Variants in HSD17B2 observed in about 807,000 individuals in gnomAD.
The protein encoded by HSD17B2 is hydroxysteroid 17-beta dehydrogenase 2.
A neutral mutation model predicts 26.9 loss-of-function variants in HSD17B2; 32 were observed. The observed-to-expected ratio is 1.19, with a 90% CI of 0.90 to 1.60. HSD17B2 has a LOEUF of 1.60. Ranked by LOEUF, HSD17B2 falls within the 40% of genes most tolerant of loss-of-function variation. HSD17B2 has a pLI of 0.00. For missense variants in HSD17B2, 613 were observed against 468.6 expected, an observed-to-expected ratio of 1.31 and a Z score of -2.85; for synonymous variants, 246 against 186.7, an observed-to-expected ratio of 1.32 and a Z score of -2.59.
At chr16:82,077,493 G>A (rs536857093) in intron 3 of HSD17B2, among the ~76,000 whole-genome samples, 56 of 152,268 alleles carry the variant, frequency 3.7e-4, no homozygotes, top group African/African-American at 1.2e-3. Context: ...CAGCACACAG[G>A]GAGGTCAGGT....
intron 4 of HSD17B2, 87 bp downstream of exon 4, chr16:82,091,126 C>T: frequency 7.7e-7 from 1 of 1,291,110 alleles, no homozygotes; most frequent in Non-Finnish European, 1.1e-6. Flanking sequence ...CACATTGAAC[C>T]CCTCATTGTT....
chr16:82,048,935 G>C (rs1914021747), intron 1 of HSD17B2, among the ~76,000 whole-genome samples: 1 of 152,176 alleles, frequency 6.6e-6, no homozygotes, highest in Non-Finnish European at 1.5e-5. Flanking sequence ...GAATGCTGCT[G>C]TAGGAAATCA....
intron 4 of HSD17B2, chr16:82,094,241 AGTT>A (rs1208333459): frequency 1.3e-5 from 2 of 152,180 alleles, no homozygotes; most frequent in Non-Finnish European, 2.9e-5. Flanking sequence ...TTCAAGATGG[AGTT>A]ACTCTTGTTC....
intron 3 of HSD17B2, among the ~76,000 whole-genome samples, chr16:82,076,235 T>C (rs987321173): frequency 6.6e-6 from 1 of 152,086 alleles, no homozygotes; most frequent in Non-Finnish European, 1.5e-5. Context: ...AAGGAACACA[T>C]CTCAACGTAA....
intron 3 of HSD17B2, among the ~76,000 whole-genome samples, chr16:82,075,323 T>G (rs1037174058): frequency 4.0e-5 from 6 of 151,600 alleles, no homozygotes; most frequent in African/African-American, 1.5e-4. Flanking sequence ...AACCTCAAAA[T>G]TAGTAGAAGA....
intron 1 of HSD17B2, among the ~76,000 whole-genome samples, chr16:82,065,556 G>A (rs915210878): frequency 2.6e-5 from 4 of 152,058 alleles, no homozygotes; most frequent in Admixed American, 2.6e-4. Context: ...AATGGGAAAG[G>A]CTGTCCACGA....
Position 82,067,877 on chromosome 16 carries a change from T to C in HSD17B2, c.266-293T>C, listed in dbSNP as rs150226314. 1.1e-3 allele frequency among the ~76,000 whole-genome samples: 166 copies of C among 152,318 alleles called. No homozygotes were observed. In the Middle Eastern group the frequency reaches 0.024, roughly 22 times the overall value. On this transcript the variant is annotated intron_variant, in intron 1 of 4. Transcript: ENST00000199936. ...GCCTTGGTTTTCCTTCCCAATTACT[T>C]TGGCCACCAGCCACTCCTGGACTAC... is the stretch of plus-strand genomic sequence containing the variant.
At chr16:82,078,725 G>A (rs139590370) in intron 3 of HSD17B2, among the ~76,000 whole-genome samples, 289 of 152,276 alleles carry the variant, frequency 1.9e-3, no homozygotes, top group African/African-American at 6.7e-3. Context: ...GCAATAACAT[G>A]GATGGAACTG....
At chr16:82,053,072 T>C (rs1914156722) in intron 1 of HSD17B2, among the ~76,000 whole-genome samples, 2 of 152,218 alleles carry the variant, frequency 1.3e-5, no homozygotes, top group Admixed American at 1.3e-4. Flanking sequence ...CTCAATGCCA[T>C]CAACATATGA....
At chr16:82,044,078 C>T (rs531626417) in intron 1 of HSD17B2, among the ~76,000 whole-genome samples, 5 of 152,278 alleles carry the variant, frequency 3.3e-5, no homozygotes, top group East Asian at 3.9e-4. Context: ...GTTTCCAGAA[C>T]GTTCATCATT....
At chr16:82,092,355 G>A (rs1338347261) in intron 4 of HSD17B2, 7 of 152,080 alleles carry the variant, frequency 4.6e-5, no homozygotes, top group Non-Finnish European at 1.5e-5. Context: ...CTACCCCAAG[G>A]CTCAGTCTTC....
At chr16:82,093,232 A>G (rs770362799) in intron 4 of HSD17B2, 5 of 152,090 alleles carry the variant, frequency 3.3e-5, no homozygotes, top group Non-Finnish European at 5.9e-5. Flanking sequence ...GCCCTCTCCA[A>G]CCTCCCAATA....
intron 2 of HSD17B2, among the ~76,000 whole-genome samples, chr16:82,070,241 C>T (rs1055356412): frequency 8.5e-5 from 13 of 152,142 alleles, no homozygotes; most frequent in South Asian, 2.1e-4. Context: ...CAGCAACCTG[C>T]GGGTCACTGA....
At chr16:82,070,011 G>T (rs573655457) in intron 2 of HSD17B2, among the ~76,000 whole-genome samples, 1 of 152,256 alleles carries the variant, frequency 6.6e-6, no homozygotes, top group South Asian at 2.1e-4. Context: ...ACTGGTTTAC[G>T]CCAATAACTC....
chr16:82,053,731 T>C (rs1022433593), intron 1 of HSD17B2, among the ~76,000 whole-genome samples: 7 of 152,198 alleles, frequency 4.6e-5, no homozygotes, highest in Non-Finnish European at 1.0e-4. Context: ...TCTGAGACTG[T>C]GCACAGAGAA....
At chr16:82,047,273 T>C (rs1913961463) in intron 1 of HSD17B2, among the ~76,000 whole-genome samples, 1 of 152,210 alleles carries the variant, frequency 6.6e-6, no homozygotes, top group Admixed American at 6.5e-5. Flanking sequence ...TTTAGATTAC[T>C]ACTTCAGAAC....
chr16:82,097,952 AT>A (rs201202315), intron 4 of HSD17B2, 122 bp from the exon 5 acceptor site: 74,876 of 707,944 alleles, frequency 0.11, 210 homozygotes, highest in Middle Eastern at 0.15. Context: ...AAATAAAAAA[AT>A]AAAAAAATAA....
Position 82,067,271 on chromosome 16 carries a change from A to G in HSD17B2, c.266-899A>G, listed in dbSNP as rs560397542. Among the ~76,000 whole-genome samples, 3 of 152,380 alleles carry G rather than the reference A, an allele frequency of 2.0e-5. No homozygotes were observed. In the East Asian group the frequency reaches 5.8e-4, roughly 29 times the overall value. The stretch of plus-strand genomic sequence containing the variant: ...CAAGGAAGATCACATGACACAGGCA[A>G]TGTGAAATACTTTCTTATTAAAACA... On this transcript the variant is annotated intron_variant, in intron 1 of 4. Coordinates refer to ENST00000199936, the MANE Select transcript of HSD17B2 (RefSeq NM_002153.3).
chr16:82,042,217 C>T (rs1216242740), intron 1 of HSD17B2, among the ~76,000 whole-genome samples: 1 of 151,664 alleles, frequency 6.6e-6, no homozygotes, highest in East Asian at 2.1e-4. Context: ...TTTGACCAGG[C>T]TGGGCTTGAA....
Sources: allele counts gnomAD v4.1 joint callset (sites outside exome capture counted in the v4.1 genomes callset), GRCh38; gene constraint gnomAD v4.1.1; transcripts MANE v1.5; gene names NCBI Gene and HGNC (gene_info 2026-07-23, HGNC 2026-07-21).